Variants in ADAMTSL1 observed in about 807,000 individuals in gnomAD.
ADAMTSL1 encodes the protein ADAMTS-like protein 1.
ADAMTSL1 carries 126 observed loss-of-function variants against 201.8 expected under a neutral mutation model. The ratio of observed to expected loss-of-function variants is 0.62; its 90% CI spans 0.54 to 0.72. The LOEUF (loss-of-function observed/expected upper bound fraction) is 0.72, where lower values mean the gene tolerates loss of function less well. ADAMTSL1 is among the 30% of genes least tolerant of loss of function. The pLI is 0.00. For synonymous variants in ADAMTSL1, 1,121 were observed against 903.4 expected (o/e 1.24, Z -4.32); for missense variants, 2,679 against 2,277.8 (o/e 1.18, Z -3.59).
chr9:18,828,179 G>C (rs1003666335), intron 22 of ADAMTSL1, among the ~76,000 whole-genome samples: 1 of 152,150 alleles, frequency 6.6e-6, no homozygotes, highest in Non-Finnish European at 1.5e-5. Flanking sequence ...CTGGACACTG[G>C]TAAAGTTTTA....
chr9:18,137,259 T>C (rs1414741755), intron 1 of ADAMTSL1, among the ~76,000 whole-genome samples: 1 of 152,180 alleles, frequency 6.6e-6, no homozygotes. Flanking sequence ...AAATAGAAAA[T>C]AAATTAACAT....
At position 18,244,087 on chromosome 9, in the gene ADAMTSL1, TTGTG is replaced by T. The variant is rs5896777; in HGVS notation, c.207+80126_207+80129del. Among the ~76,000 whole-genome samples, 132 of 149,374 alleles carry T rather than the reference TTGTG, an allele frequency of 8.8e-4. 2 individuals carry two copies. Among genetic ancestry groups the T allele is most frequent in the Admixed American group, 6.7e-3 (100 of 14,986 alleles). On this transcript the variant is annotated intron_variant, in intron 2 of 29. Transcript: ENST00000680146. Reference sequence around the variant, plus strand: ...CTAAATGAAATAGAGAGAAATGATTTTGTGTGTGTGTGTGTGTGTGTGTACGTGT... The same window carrying T: ...CTAAATGAAATAGAGAGAAATGATTTTGTGTGTGTGTGTGTGTGTACGTGT...
intron 1 of ADAMTSL1, among the ~76,000 whole-genome samples, chr9:18,051,113 A>G (rs556514326): frequency 9.4e-4 from 143 of 152,268 alleles, no homozygotes; most frequent in Non-Finnish European, 1.5e-3. Context: ...CATCCTGGCT[A>G]ACATAGTGAA....
chr9:18,052,359 T>A lies in ADAMTSL1; in HGVS notation c.88-111503T>A, dbSNP rs1390962972. On this transcript the variant is annotated intron_variant, in intron 1 of 29. Coordinates refer to the ADAMTSL1 transcript ENST00000680146. ...AGGGTACTTACTTTAGGTTGAGAGG[T>A]CAGAGAAGGGTTTTCTGGGGTAGTG... Among the ~76,000 whole-genome samples, 6 of 152,180 alleles carry A rather than the reference T, an allele frequency of 3.9e-5. No homozygotes were observed. The South Asian group carries it at 1.2e-3, about 32-fold the overall frequency.
At chr9:18,592,071 G>T (rs896430765) in intron 4 of ADAMTSL1, among the ~76,000 whole-genome samples, 1 of 152,178 alleles carries the variant, frequency 6.6e-6, no homozygotes, top group Admixed American at 6.5e-5. Flanking sequence ...AGTTTTCAGT[G>T]CATCTCATTG....
chr9:18,170,031 G>C (rs1057084310), intron 2 of ADAMTSL1, among the ~76,000 whole-genome samples: 1 of 151,944 alleles, frequency 6.6e-6, no homozygotes, highest in Non-Finnish European at 1.5e-5. Context: ...TGAGTTATAT[G>C]ATATTACAAA....
At chr9:18,601,742 A>G (rs568785124) in intron 4 of ADAMTSL1, among the ~76,000 whole-genome samples, 2 of 151,912 alleles carry the variant, frequency 1.3e-5, no homozygotes, top group East Asian at 3.9e-4. Flanking sequence ...AATGTAGCAC[A>G]TATATACACA....
chr9:18,352,386 C>A (rs1836010925), intron 2 of ADAMTSL1, among the ~76,000 whole-genome samples: 1 of 152,160 alleles, frequency 6.6e-6, no homozygotes, highest in Admixed American at 6.5e-5. Flanking sequence ...CTAAATCTTC[C>A]TTCTACCCAT....
intron 2 of ADAMTSL1, among the ~76,000 whole-genome samples, chr9:18,366,558 A>T (rs1294998755): frequency 1.4e-5 from 2 of 147,848 alleles, no homozygotes; most frequent in Non-Finnish European, 3.0e-5. Flanking sequence ...TCATTGTGGT[A>T]TGTTAATATT....
In ADAMTSL1 at chr9:18,003,382, G is replaced by T. The variant is rs114883304; in HGVS notation, c.87+96460G>T. ...AGAGAGAGAGGATACCATCATACCT[G>T]CAAATACCAAGTGCTCCATTTGTTT... On this transcript the variant is annotated intron_variant, in intron 1 of 29. Coordinates refer to the ADAMTSL1 transcript ENST00000680146. Among the ~76,000 whole-genome samples, 1,036 of 152,156 alleles carry T rather than the reference G, an allele frequency of 6.8e-3. 14 individuals are homozygous for T. The highest frequency in any genetic ancestry group is 0.024 in the African/African-American group (992 of 41,540).
intron 1 of ADAMTSL1, among the ~76,000 whole-genome samples, chr9:18,039,136 T>A (rs1279515195): frequency 6.6e-6 from 1 of 152,132 alleles, no homozygotes; most frequent in East Asian, 1.9e-4. Flanking sequence ...AACATGACAC[T>A]AAATAGTTCA....
At chr9:18,341,536 A>T (rs771789153) in intron 2 of ADAMTSL1, among the ~76,000 whole-genome samples, 7 of 152,150 alleles carry the variant, frequency 4.6e-5, no homozygotes, top group Admixed American at 4.6e-4. Flanking sequence ...TGTCCTCCAT[A>T]GCCCTTTTGA....
intron 1 of ADAMTSL1, among the ~76,000 whole-genome samples, chr9:18,142,772 T>G (rs891097014): frequency 6.6e-6 from 1 of 152,182 alleles, no homozygotes; most frequent in Non-Finnish European, 1.5e-5. Context: ...TCTTAACAAG[T>G]GACCCAGGCC....
chr9:18,451,218 T>C (rs1820392781), intron 2 of ADAMTSL1, among the ~76,000 whole-genome samples: 1 of 152,206 alleles, frequency 6.6e-6, no homozygotes, highest in African/African-American at 2.4e-5. Context: ...CATGTTTGCA[T>C]ACTCCTTGGA....
intron 1 of ADAMTSL1, among the ~76,000 whole-genome samples, chr9:18,499,589 G>A (rs11999281): frequency 0.037 from 5,599 of 152,274 alleles, 340 homozygotes; most frequent in African/African-American, 0.13. Context: ...ATCACTGGGG[G>A]AGTTGCCCCT....
At chr9:18,128,557 C>T (rs1053618676) in intron 1 of ADAMTSL1, among the ~76,000 whole-genome samples, 1 of 152,022 alleles carries the variant, frequency 6.6e-6, no homozygotes, top group Admixed American at 6.6e-5. Context: ...GCAATCTGCC[C>T]GCCTCAGCCT....
chr9:18,906,431 G>C (rs2131625737), intron 27 of ADAMTSL1, among the ~76,000 whole-genome samples: 1 of 152,248 alleles, frequency 6.6e-6, no homozygotes, highest in Non-Finnish European at 1.5e-5. Flanking sequence ...TGTCCACATG[G>C]GGAGAGCTCA....
intron 1 of ADAMTSL1, among the ~76,000 whole-genome samples, chr9:18,124,646 A>G (rs1172032093): frequency 1.3e-5 from 2 of 152,168 alleles, no homozygotes; most frequent in Non-Finnish European, 2.9e-5. Flanking sequence ...AAATAAGGTC[A>G]TATTTGAACA....
intron 2 of ADAMTSL1, among the ~76,000 whole-genome samples, chr9:18,413,325 T>C (rs1160939312): frequency 1.3e-5 from 2 of 151,888 alleles, no homozygotes; most frequent in Non-Finnish European, 2.9e-5. Flanking sequence ...CCACCACACC[T>C]GGCTAATTTT....
Sources: gnomAD v4.1 joint callset for allele counts (sites outside exome capture counted in the v4.1 genomes callset) on GRCh38, gnomAD v4.1.1 for gene constraint, MANE v1.5 for transcripts, NCBI Gene and HGNC (gene_info 2026-07-23, HGNC 2026-07-21) for gene names.